Variants in IFT56 observed in about 807,000 individuals in gnomAD.
IFT56 encodes the protein intraflagellar transport protein 56.
At chr7:139,135,277 CAAAAA>C in the IFT56 span, among the ~76,000 whole-genome samples, 761 of 63,062 alleles carry the variant, frequency 0.012, 22 homozygotes, top group African/African-American at 0.042. Context: ...GACTCCGTCT[CAAAAA>C]AAAAAAAAAA....
the IFT56 span, among the ~76,000 whole-genome samples, chr7:139,176,256 C>A: frequency 6.6e-6 from 1 of 152,064 alleles, no homozygotes; most frequent in East Asian, 1.9e-4. Flanking sequence ...GTGATGCATA[C>A]CCCATTTACC....
At chr7:139,134,520 C>G in the IFT56 span, 1 of 907,318 alleles carries the variant, frequency 1.1e-6, no homozygotes, top group African/African-American at 1.7e-5. Flanking sequence ...CCGCCGCCTT[C>G]GCCTCTCAAA....
chr7:139,143,444 A>G, the IFT56 span, among the ~76,000 whole-genome samples: 1 of 152,182 alleles, frequency 6.6e-6, no homozygotes, highest in South Asian at 2.1e-4. Flanking sequence ...ATCATGAAAT[A>G]TCTCTCATCT....
At chr7:139,186,925 T>C in the IFT56 span, among the ~76,000 whole-genome samples, 4 of 148,686 alleles carry the variant, frequency 2.7e-5, no homozygotes, top group Non-Finnish European at 5.9e-5. Flanking sequence ...AAACCCCGTC[T>C]CTACTAAAAA....
chr7:139,184,517 C>G, the IFT56 span, among the ~76,000 whole-genome samples: 1 of 152,166 alleles, frequency 6.6e-6, no homozygotes, highest in African/African-American at 2.4e-5. Flanking sequence ...AGATAGAGAA[C>G]AAATTAGTGG....
chr7:139,160,010 A>G, the IFT56 span, among the ~76,000 whole-genome samples: 1 of 152,198 alleles, frequency 6.6e-6, no homozygotes, highest in South Asian at 2.1e-4. Flanking sequence ...GAGATCATTT[A>G]TAGAGTATAA....
At chr7:139,162,825 G>A in the IFT56 span, among the ~76,000 whole-genome samples, 1 of 151,968 alleles carries the variant, frequency 6.6e-6, no homozygotes, top group African/African-American at 2.4e-5. Flanking sequence ...AGGGTGTGGT[G>A]GCATGCACCT....
the IFT56 span, among the ~76,000 whole-genome samples, chr7:139,153,152 A>G: frequency 4.9e-5 from 4 of 80,970 alleles, no homozygotes; most frequent in Non-Finnish European, 7.2e-5. Flanking sequence ...CCGTCTCCGG[A>G]AAAAAAAAAA....
At chr7:139,179,985 T>G in the IFT56 span, among the ~76,000 whole-genome samples, 1 of 152,234 alleles carries the variant, frequency 6.6e-6, no homozygotes, top group African/African-American at 2.4e-5. Flanking sequence ...TTTTAACTTT[T>G]CACTATGGGT....
At chr7:139,160,101 A>G in the IFT56 span, among the ~76,000 whole-genome samples, 1 of 152,208 alleles carries the variant, frequency 6.6e-6, no homozygotes, top group South Asian at 2.1e-4. Flanking sequence ...TACTGTGGAC[A>G]AGAGAAGAGT....
the IFT56 span, among the ~76,000 whole-genome samples, chr7:139,166,148 G>A: frequency 6.6e-6 from 1 of 152,082 alleles, no homozygotes; most frequent in Admixed American, 6.6e-5. Flanking sequence ...AATAGAGACG[G>A]GGTTTCGCCA....
chr7:139,168,493 TC>T, the IFT56 span: 1 of 812,770 alleles, frequency 1.2e-6, no homozygotes, highest in Non-Finnish European at 2.1e-6. Flanking sequence ...CAATAGGCTC[TC>T]CTGTAGCTCC....
the IFT56 span, chr7:139,139,884 T>C: frequency 2.1e-5 from 33 of 1,599,712 alleles, no homozygotes; most frequent in Admixed American, 4.6e-4. Flanking sequence ...TTACTATATA[T>C]TTCAGGAATA....
At chr7:139,146,782 A>G in the IFT56 span, among the ~76,000 whole-genome samples, 8 of 151,760 alleles carry the variant, frequency 5.3e-5, no homozygotes, top group East Asian at 3.9e-4. Context: ...AAAAAAAAAA[A>G]AAGAAGAAAG....
At chr7:139,139,601 T>A in the IFT56 span, among the ~76,000 whole-genome samples, 6 of 152,200 alleles carry the variant, frequency 3.9e-5, no homozygotes, top group African/African-American at 1.4e-4. Context: ...TTAGCAGAAA[T>A]AAAATAGTTC....
chr7:139,155,827 G>C, the IFT56 span, among the ~76,000 whole-genome samples: 1 of 152,078 alleles, frequency 6.6e-6, no homozygotes, highest in Non-Finnish European at 1.5e-5. Flanking sequence ...TGTTTTGAAA[G>C]AGTTTATGAA....
the IFT56 span, among the ~76,000 whole-genome samples, chr7:139,183,609 C>T: frequency 6.6e-6 from 1 of 151,722 alleles, no homozygotes; most frequent in African/African-American, 2.4e-5. Context: ...AAAAACATAA[C>T]CCAATTATGT....
chr7:139,166,067 C>G, the IFT56 span, among the ~76,000 whole-genome samples: 3 of 152,188 alleles, frequency 2.0e-5, no homozygotes, highest in African/African-American at 7.2e-5. Flanking sequence ...AAGCAATTCT[C>G]CTGCCTCAGC....
the IFT56 span, among the ~76,000 whole-genome samples, chr7:139,186,876 T>C: frequency 1.3e-5 from 2 of 150,338 alleles, no homozygotes; most frequent in African/African-American, 2.5e-5. Context: ...GGGTGGATCA[T>C]GAGGTCAGGA....
Sources: gnomAD v4.1 joint callset for allele counts (sites outside exome capture counted in the v4.1 genomes callset) on GRCh38, gnomAD v4.1.1 for gene constraint, MANE v1.5 for transcripts, NCBI Gene and HGNC (gene_info 2026-07-23, HGNC 2026-07-21) for gene names.